Variants in KCNH1 observed in about 807,000 individuals in gnomAD.
KCNH1 encodes voltage-gated delayed rectifier potassium channel KCNH1.
KCNH1 carries 27 observed loss-of-function variants against 69.2 expected under a neutral mutation model. The ratio of observed to expected loss-of-function variants is 0.39; its 90% CI spans 0.29 to 0.54. The LOEUF (loss-of-function observed/expected upper bound fraction) is 0.54, where lower values mean the gene tolerates loss of function less well. Ranked by LOEUF, KCNH1 falls within the 20% of genes least tolerant of loss-of-function variation. The pLI, the probability that KCNH1 is intolerant of heterozygous loss-of-function variation, is 0.68. For missense variants in KCNH1, 798 were observed against 1,261.6 expected (o/e 0.63, Z 5.57); for synonymous variants, 456 against 487.7 (o/e 0.93, Z 0.86).
chr1:211,066,517 C>T (rs182203748), intron 5 of KCNH1, among the ~76,000 whole-genome samples: 23 of 152,116 alleles, frequency 1.5e-4, no homozygotes, highest in Non-Finnish European at 1.5e-5. Context: ...GTACACTGAA[C>T]CATCAGAAAG....
intron 6 of KCNH1, among the ~76,000 whole-genome samples, chr1:211,002,088 C>A (rs1022696587): frequency 1.3e-5 from 2 of 151,908 alleles, no homozygotes; most frequent in African/African-American, 4.8e-5. Context: ...GTGCAGCACA[C>A]CAACATGGCA....
chr1:210,759,913 T>A (rs904693523), intron 10 of KCNH1, among the ~76,000 whole-genome samples: 2 of 151,960 alleles, frequency 1.3e-5, no homozygotes, highest in African/African-American at 4.8e-5. Flanking sequence ...TAAAAACGGG[T>A]CCATACAGCA....
At chr1:210,771,489 G>A (rs559512946) in intron 10 of KCNH1, among the ~76,000 whole-genome samples, 2 of 152,248 alleles carry the variant, frequency 1.3e-5, no homozygotes, top group Admixed American at 6.5e-5. Context: ...GAGAACCTGC[G>A]GATAACACCT....
At chr1:210,983,702 G>A (rs1308665568) in intron 6 of KCNH1, among the ~76,000 whole-genome samples, 5 of 152,170 alleles carry the variant, frequency 3.3e-5, no homozygotes, top group Non-Finnish European at 7.3e-5. Context: ...AAGTCAGGTA[G>A]CGTGATGTCT....
chr1:211,034,949 T>C (rs901538235), intron 5 of KCNH1, among the ~76,000 whole-genome samples: 9 of 152,240 alleles, frequency 5.9e-5, no homozygotes, highest in Non-Finnish European at 1.3e-4. Flanking sequence ...GACAGTTTGA[T>C]ATAATCTATA....
At chr1:210,888,757 A>G (rs1013219132) in intron 7 of KCNH1, among the ~76,000 whole-genome samples, 1 of 152,232 alleles carries the variant, frequency 6.6e-6, no homozygotes, top group East Asian at 1.9e-4. Flanking sequence ...ACAAACTACC[A>G]TCAGAGAATA....
At chr1:211,073,645 A>C (rs1409603687) in intron 5 of KCNH1, among the ~76,000 whole-genome samples, 1 of 152,226 alleles carries the variant, frequency 6.6e-6, no homozygotes, top group Non-Finnish European at 1.5e-5. Flanking sequence ...ATCTCAAGAG[A>C]AAATAAAATA....
Position 211,133,834 on chromosome 1 carries a change from C to A in KCNH1, c.79+33G>T. On this transcript the variant is annotated intron_variant, in intron 1 of 10. Transcript: ENST00000271751. The surrounding 1 kb of genome is among the most constrained non-coding windows in gnomAD (Gnocchi z 5.4). ...CTGCAATAAAGGCACGGATAAAACG[C>A]CCGGGTAATCGAAATCCGAATGCAC... The A allele has an allele frequency of 1.3e-6, 2 of 1,593,024 alleles. No individual in the cohort carries two copies. Among genetic ancestry groups the A allele is most frequent in the Non-Finnish European group, 1.7e-6 (2 of 1,166,166 alleles).
Position 210,806,864 on chromosome 1 carries a change from G to A in KCNH1, c.1463-2698C>T, listed in dbSNP as rs568788691. Among the ~76,000 whole-genome samples the A allele has an allele frequency of 8.8e-3, 1,063 of 121,348 alleles. 48 individuals carry two copies. Among genetic ancestry groups the A allele is most frequent in the African/African-American group, 0.033 (1,006 of 30,662 alleles). The allele number at this position is 121,348 out of a possible 152,430, so 79.6% of individuals were successfully genotyped here. A position where few individuals can be genotyped will look rare whatever the true frequency, so the allele number is the denominator to read the frequency against. On this transcript the variant is annotated intron_variant, in intron 7 of 10. Coordinates refer to ENST00000271751, the MANE Select transcript of KCNH1 (RefSeq NM_172362.3). ...ATATATATATATATATAAATTTGCC[G>A]GGCATGGTGGTGCACACGAGTAGTC...
At chr1:210,998,391 A>C (rs1033873731) in intron 6 of KCNH1, among the ~76,000 whole-genome samples, 18 of 152,232 alleles carry the variant, frequency 1.2e-4, no homozygotes, top group African/African-American at 3.9e-4. Flanking sequence ...ACTTTAAAGC[A>C]ACAAAGATCA....
At chr1:211,075,179 C>T (rs1690711150) in intron 5 of KCNH1, among the ~76,000 whole-genome samples, 2 of 152,108 alleles carry the variant, frequency 1.3e-5, no homozygotes, top group South Asian at 2.1e-4. Context: ...TGAAAGGTCT[C>T]CTTTAGTATC....
chr1:211,112,050 T>C (rs1691477496), intron 1 of KCNH1, among the ~76,000 whole-genome samples: 1 of 146,862 alleles, frequency 6.8e-6, no homozygotes, highest in African/African-American at 2.5e-5. Flanking sequence ...CTGCACCATC[T>C]AGGAAGTGAG....
chr1:210,894,135 T>A (rs1686809422), intron 7 of KCNH1, among the ~76,000 whole-genome samples: 1 of 152,242 alleles, frequency 6.6e-6, no homozygotes, highest in Non-Finnish European at 1.5e-5. Context: ...TTTTATTGAA[T>A]GTCAGACATT....
intron 7 of KCNH1, among the ~76,000 whole-genome samples, chr1:210,872,208 GC>G (rs1686268461): frequency 6.7e-6 from 1 of 149,056 alleles, no homozygotes; most frequent in Non-Finnish European, 1.5e-5. Flanking sequence ...TTTATATAGT[GC>G]CTGTACCATG....
At chr1:210,910,602 G>C (rs1687210077) in intron 7 of KCNH1, among the ~76,000 whole-genome samples, 1 of 152,228 alleles carries the variant, frequency 6.6e-6, no homozygotes, top group Non-Finnish European at 1.5e-5. Flanking sequence ...AAGACAATGA[G>C]ATTGGGGGTC....
chr1:210,680,129 C>T lies in KCNH1; in HGVS notation c.*3152G>A, dbSNP rs1459553833. 6.6e-6 allele frequency: 1 copy of T among 152,070 alleles called. No individual in the cohort carries two copies. Among genetic ancestry groups the T allele is most frequent in the Admixed American group, 6.5e-5 (1 of 15,270 alleles). 9.4% of individuals were successfully genotyped at this position (152,070 alleles called of 1,614,324 possible). A position where few individuals can be genotyped will look rare whatever the true frequency, so the allele number is the denominator to read the frequency against. On this transcript the variant is annotated 3_prime_UTR_variant, in exon 11 of 11. Coordinates refer to ENST00000271751, the MANE Select transcript of KCNH1 (RefSeq NM_172362.3). ...GGAGTCAATGCCCCCCCACCAAGAA[C>T]AAACACCACCTCATTGACCATCTTA...
rs146535065 is a variant in KCNH1, at chr1:210,956,296, C to T, written c.1033-36227G>A. Among the ~76,000 whole-genome samples the T allele has an allele frequency of 8.0e-3, 1,221 of 152,236 alleles. 11 individuals carry two copies. The highest frequency in any genetic ancestry group is 0.034 in the Middle Eastern group (10 of 294). On this transcript the variant is annotated intron_variant, in intron 6 of 10. Transcript: ENST00000271751. ...AAAGATTTTGATGTGCTGTTGGATT[C>T]GGTTTGCCAGTATTTTATTGAGGAT...
chr1:211,017,118 G>C (rs1376862033), intron 6 of KCNH1, among the ~76,000 whole-genome samples: 1 of 151,970 alleles, frequency 6.6e-6, no homozygotes, highest in African/African-American at 2.4e-5. Context: ...GGGTTGTTCT[G>C]AATCTAGAGC....
chr1:210,980,262 G>C (rs1396733964), intron 6 of KCNH1, among the ~76,000 whole-genome samples: 1 of 152,176 alleles, frequency 6.6e-6, no homozygotes, highest in Non-Finnish European at 1.5e-5. Context: ...GTTAAGACAT[G>C]ATGATGCAGC....
Sources: allele counts gnomAD v4.1 joint callset (sites outside exome capture counted in the v4.1 genomes callset), GRCh38; gene constraint gnomAD v4.1.1; non-coding constraint Gnocchi (gnomAD v3.1); transcripts MANE v1.5; gene names NCBI Gene and HGNC (gene_info 2026-07-23, HGNC 2026-07-21).